The following KDM4C variants were observed in gnomAD, a reference collection of about 807,000 sequenced individuals.
KDM4C encodes lysine-specific demethylase 4C.
In KDM4C, 81 loss-of-function variants were observed where a neutral mutation model predicts 129.3. The ratio of observed to expected loss-of-function variants is 0.63; its 90% CI spans 0.52 to 0.75. The LOEUF (loss-of-function observed/expected upper bound fraction) is 0.75, where lower values mean the gene tolerates loss of function less well. KDM4C is among the 30% of genes least tolerant of loss of function. The pLI is 0.00. For missense variants in KDM4C, 1,457 were observed against 1,304.0 expected (o/e 1.12, Z -1.81); for synonymous variants, 573 against 456.1 (o/e 1.26, Z -3.26).
At chr9:6,725,249 G>T (rs1015473295) in intron 1 of KDM4C, among the ~76,000 whole-genome samples, 1 of 152,020 alleles carries the variant, frequency 6.6e-6, no homozygotes, top group African/African-American at 2.4e-5. Flanking sequence ...TGTGTTTGGA[G>T]ATGGTGCAGG....
At chr9:6,781,565 C>T (rs987168714) in intron 1 of KDM4C, among the ~76,000 whole-genome samples, 21 of 152,120 alleles carry the variant, frequency 1.4e-4, no homozygotes, top group African/African-American at 4.6e-4. Flanking sequence ...CAAGACAGCA[C>T]TTCAGCATTA....
At chr9:6,756,291 T>C (rs753280002), upstream of KDM4C, among the ~76,000 whole-genome samples, 1 of 152,262 alleles carries the variant, frequency 6.6e-6, no homozygotes, top group Non-Finnish European at 1.5e-5. Flanking sequence ...CTCACATTAC[T>C]GTTCTAAGTA....
intron 1 of KDM4C, among the ~76,000 whole-genome samples, chr9:6,790,251 C>T (rs898815621): frequency 2.0e-5 from 3 of 151,572 alleles, no homozygotes; most frequent in African/African-American, 7.3e-5. Flanking sequence ...TGTAGCCCTG[C>T]TCTGTTTTTT....
chr9:7,126,951 A>C (rs1046866855), intron 18 of KDM4C, among the ~76,000 whole-genome samples: 1 of 152,214 alleles, frequency 6.6e-6, no homozygotes, highest in African/African-American at 2.4e-5. Flanking sequence ...ACACCAAAAT[A>C]ATAAAGTAAA....
intron 11 of KDM4C, among the ~76,000 whole-genome samples, chr9:6,987,316 C>CTATAT (rs1291859885): frequency 6.6e-6 from 1 of 152,186 alleles, no homozygotes; most frequent in Non-Finnish European, 1.5e-5. Context: ...AAAGACTCCT[C>CTATAT]TATATTATTT....
chr9:6,998,911 T>C (rs987705116), intron 12 of KDM4C, among the ~76,000 whole-genome samples: 1 of 152,234 alleles, frequency 6.6e-6, no homozygotes, highest in Non-Finnish European at 1.5e-5. Flanking sequence ...AGCTGCCCAC[T>C]GATTGCACTT....
chr9:7,049,253 C>T (rs1264416502), intron 17 of KDM4C, 53 bp downstream of exon 17: 1 of 990,240 alleles, frequency 1.0e-6, no homozygotes, highest in East Asian at 2.5e-5. Flanking sequence ...ATTTCAAGTT[C>T]TGAATTTTTC....
chr9:6,852,157 T>A (rs868450437), intron 5 of KDM4C, among the ~76,000 whole-genome samples: 39 of 152,230 alleles, frequency 2.6e-4, no homozygotes, highest in African/African-American at 9.2e-4. Context: ...TTACATTTCC[T>A]CAGCATAAAT....
intron 18 of KDM4C, chr9:7,105,379 C>T: frequency 4.3e-6 from 2 of 461,278 alleles, no homozygotes; most frequent in Non-Finnish European, 9.1e-6. Flanking sequence ...ACATGGTATC[C>T]CACCTCACCA....
chr9:7,047,115 T>C (rs998250398), intron 16 of KDM4C, among the ~76,000 whole-genome samples, 198 bp downstream of exon 16: 13 of 151,988 alleles, frequency 8.6e-5, no homozygotes, highest in Non-Finnish European at 1.6e-4. Flanking sequence ...GCAGTCCAAG[T>C]TATGCTTCTC....
In KDM4C at chr9:7,174,824, T is replaced by G; in HGVS notation, c.*95T>G. 9.2e-7 allele frequency: 1 copy of G among 1,086,348 alleles called. No homozygotes were observed. The highest frequency in any genetic ancestry group is 1.4e-6 in the Non-Finnish European group (1 of 734,820). The allele number at this position is 1,086,348 out of a possible 1,614,324, so 67.3% of individuals were successfully genotyped here. A position where few individuals can be genotyped will look rare whatever the true frequency, so the allele number is the denominator to read the frequency against. On this transcript the variant is annotated 3_prime_UTR_variant, in exon 22 of 22. Transcript: ENST00000381309. ...GGCTGTGCCGTGAGTTTTGCTGGCA[T>G]AGGTGACAGGGTGTGTCTCTGACAG...
chr9:6,998,415 G>A (rs1050773058), intron 12 of KDM4C, among the ~76,000 whole-genome samples: 2 of 152,202 alleles, frequency 1.3e-5, no homozygotes, highest in African/African-American at 4.8e-5. Context: ...TCACTTTTAA[G>A]TAAGTGAAAT....
intron 4 of KDM4C, among the ~76,000 whole-genome samples, chr9:6,846,019 C>T (rs1250267484): frequency 6.6e-6 from 1 of 152,216 alleles, no homozygotes; most frequent in East Asian, 1.9e-4. Context: ...CTGTCACCTG[C>T]TCTCAAGTGA....
At chr9:6,963,783 A>G (rs1830425969) in intron 8 of KDM4C, among the ~76,000 whole-genome samples, 1 of 152,156 alleles carries the variant, frequency 6.6e-6, no homozygotes, top group African/African-American at 2.4e-5. Context: ...GACTACCTCA[A>G]GGCCCCTAAC....
chr9:6,902,398 G>T (rs1367689816), intron 8 of KDM4C, among the ~76,000 whole-genome samples: 2 of 152,132 alleles, frequency 1.3e-5, no homozygotes, highest in African/African-American at 4.8e-5. Flanking sequence ...ATGTCCTGAT[G>T]GCTGTCAGGA....
intron 8 of KDM4C, among the ~76,000 whole-genome samples, chr9:6,930,685 A>G (rs12555221): frequency 0.21 from 22,439 of 105,814 alleles, 1,977 homozygotes; most frequent in Middle Eastern, 0.34. Flanking sequence ...TATATAATAT[A>G]TTAATTATTA....
intron 8 of KDM4C, among the ~76,000 whole-genome samples, chr9:6,904,895 G>GA (rs937829526): frequency 8.0e-5 from 12 of 150,006 alleles, no homozygotes; most frequent in South Asian, 4.2e-4. Flanking sequence ...TAACACAAAA[G>GA]AAAAAAAAAC....
At chr9:6,726,274 G>C (rs1817124820) in intron 1 of KDM4C, among the ~76,000 whole-genome samples, 1 of 152,156 alleles carries the variant, frequency 6.6e-6, no homozygotes, top group African/African-American at 2.4e-5. Flanking sequence ...TAGGTTCAGA[G>C]AGACTTCCGA....
chr9:7,146,435 G>A (rs946460830), intron 19 of KDM4C, among the ~76,000 whole-genome samples: 8 of 151,930 alleles, frequency 5.3e-5, no homozygotes, highest in African/African-American at 1.9e-4. Flanking sequence ...AGATTGCTTT[G>A]TCAAAATTTC....
Sources: allele counts gnomAD v4.1 joint callset (sites outside exome capture counted in the v4.1 genomes callset), GRCh38; gene constraint gnomAD v4.1.1; transcripts MANE v1.5; gene names NCBI Gene and HGNC (gene_info 2026-07-23, HGNC 2026-07-21).